The following ADGRG7 variants were observed in gnomAD, a reference collection of about 807,000 sequenced individuals.
The protein encoded by ADGRG7 is adhesion G protein-coupled receptor G7, also known as G-protein coupled receptor 128.
A neutral mutation model predicts 88.6 loss-of-function variants in ADGRG7; 82 were observed. The observed-to-expected ratio is 0.93, with a 90% CI of 0.77 to 1.11. The LOEUF is 1.11. ADGRG7 is among the 50% of genes most tolerant of loss of function. The pLI is 0.00. For synonymous variants in ADGRG7, 381 were observed against 345.2 expected (o/e 1.10, Z -1.15); for missense variants, 945 against 953.4 (o/e 0.99, Z 0.12).
At chr3:100,627,756 T>C (rs1707399570) in intron 1 of ADGRG7, among the ~76,000 whole-genome samples, 1 of 152,164 alleles carries the variant, frequency 6.6e-6, no homozygotes, top group Non-Finnish European at 1.5e-5. Flanking sequence ...TGTCTATGCA[T>C]GGTTTTTCTT....
At chr3:100,629,535 A>C (rs965593335) in intron 1 of ADGRG7, 63 bp from the exon 2 acceptor site, 1 of 1,121,076 alleles carries the variant, frequency 8.9e-7, no homozygotes. Flanking sequence ...AAGTGGCCAC[A>C]GGCATGAAAG....
chr3:100,673,020 TTG>T (rs368312710), intron 15 of ADGRG7, among the ~76,000 whole-genome samples: 1 of 151,876 alleles, frequency 6.6e-6, no homozygotes, highest in Non-Finnish European at 1.5e-5. Flanking sequence ...GAAATTTTTT[TTG>T]TGTGTGTGTG....
chr3:100,649,808 G>T lies in ADGRG7; in HGVS notation c.1379+1G>T. ...CAGTTATATTTCAGATTGTCACCAG[G>T]TAAGAGCAGAAGCAGGCTCTTTTCA... On this transcript the variant is annotated splice_donor_variant, in intron 11 of 15. Transcript: ENST00000273352. LOFTEE classifies it high-confidence loss of function. The T allele has an allele frequency of 6.5e-7, 1 of 1,542,664 alleles. No homozygotes were observed. The highest frequency in any genetic ancestry group is 8.9e-7 in the Non-Finnish European group (1 of 1,117,440).
intron 1 of ADGRG7, among the ~76,000 whole-genome samples, chr3:100,612,603 T>C (rs2149010010): frequency 6.6e-6 from 1 of 152,364 alleles, no homozygotes; most frequent in Admixed American, 6.5e-5. Flanking sequence ...ATCATAATGG[T>C]AGAAAATGTT....
chr3:100,678,687 G>A (rs1333841867), intron 15 of ADGRG7, among the ~76,000 whole-genome samples: 1 of 152,200 alleles, frequency 6.6e-6, no homozygotes, highest in African/African-American at 2.4e-5. Flanking sequence ...TAACCTTGTG[G>A]CTCTTTTAGA....
Position 100,618,171 on chromosome 3 carries a change from G to A in ADGRG7, c.115+8200G>A, listed in dbSNP as rs544488567. Among the ~76,000 whole-genome samples the A allele has an allele frequency of 1.3e-3, 201 of 152,292 alleles. 1 individual carries two copies. Among genetic ancestry groups the A allele is most frequent in the African/African-American group, 4.3e-3 (180 of 41,568 alleles). ...TTTTCTCCCATTCTGTAGGTTGCCT[G>A]TTCACTCTGATGGTAGTTTCTTTTG... On this transcript the variant is annotated intron_variant, in intron 1 of 15. Coordinates refer to ENST00000273352, the MANE Select transcript of ADGRG7 (RefSeq NM_032787.3).
At chr3:100,685,587 A>G (rs1260044768) in intron 15 of ADGRG7, among the ~76,000 whole-genome samples, 2 of 151,912 alleles carry the variant, frequency 1.3e-5, no homozygotes, top group Non-Finnish European at 2.9e-5. Context: ...ATGTGTTCTC[A>G]TTGTTCAATT....
At chr3:100,635,217 T>C (rs1470462101) in intron 4 of ADGRG7, among the ~76,000 whole-genome samples, 1 of 100,456 alleles carries the variant, frequency 1.0e-5, no homozygotes, top group East Asian at 8.6e-4. Flanking sequence ...TGCACACCAA[T>C]ATTTTTGTGA....
Position 100,643,575 on chromosome 3 carries a change from G to A in ADGRG7, c.888G>A (p.Val296=), listed in dbSNP as rs769727441. 8 of 1,613,870 alleles carry A rather than the reference G, an allele frequency of 5.0e-6. No homozygotes were observed. In the Admixed American group the frequency reaches 1.2e-4, roughly 24 times the overall value. Residue 296 remains valine (V), a synonymous_variant, in exon 8 of 16, where the codon GTG becomes GTA. Coordinates refer to ENST00000273352, the MANE Select transcript of ADGRG7 (RefSeq NM_032787.3). ...VSSSTFIHTN[V]DGLNPDAQTE... is the part of the protein sequence containing the mutation. ...GTTCAACATTTATACATACAAATGT[G>A]GATGGCCTTAACCCAGATGCACAGA...
intron 14 of ADGRG7, among the ~76,000 whole-genome samples, chr3:100,661,214 T>C (rs528709364): frequency 6.6e-5 from 10 of 152,322 alleles, no homozygotes; most frequent in African/African-American, 2.2e-4. Flanking sequence ...CCCATCTCCA[T>C]AGCATAAATT....
intron 8 of ADGRG7, among the ~76,000 whole-genome samples, chr3:100,644,691 A>C (rs1487542178): frequency 1.3e-5 from 2 of 151,936 alleles, no homozygotes; most frequent in Non-Finnish European, 2.9e-5. Context: ...AATTAAAAAA[A>C]AAAAAAATTA....
rs80221681 is a variant in ADGRG7, at chr3:100,641,051, G to A, written c.699-2215G>A. ...AACAAATAGAGATTTATCGTAAATA[G>A]GCATATGGGGTCTCATGGAGGCCCA... On this transcript the variant is annotated intron_variant, in intron 6 of 15. Coordinates refer to ENST00000273352, the MANE Select transcript of ADGRG7 (RefSeq NM_032787.3). Among the ~76,000 whole-genome samples the A allele has an allele frequency of 9.5e-3, 1,441 of 152,248 alleles. 46 individuals carry two copies. The highest frequency in any genetic ancestry group is 0.044 in the Admixed American group (671 of 15,294).
At chr3:100,682,181 C>A (rs2094974320) in intron 15 of ADGRG7, among the ~76,000 whole-genome samples, 1 of 152,120 alleles carries the variant, frequency 6.6e-6, no homozygotes, top group African/African-American at 2.4e-5. Context: ...CCTGGGAACC[C>A]ACCCCCGGGA....
chr3:100,628,153 C>G (rs1306028754), intron 1 of ADGRG7, among the ~76,000 whole-genome samples: 1 of 152,112 alleles, frequency 6.6e-6, no homozygotes, highest in Non-Finnish European at 1.5e-5. Flanking sequence ...GTTTCAGCCA[C>G]TTCTGCCATA....
At chr3:100,687,327 G>A (rs962967862) in intron 15 of ADGRG7, among the ~76,000 whole-genome samples, 1 of 152,114 alleles carries the variant, frequency 6.6e-6, no homozygotes, top group Non-Finnish European at 1.5e-5. Context: ...TGCAAACAGG[G>A]ACAATTTGAC....
intron 15 of ADGRG7, among the ~76,000 whole-genome samples, chr3:100,687,385 T>C (rs1204752117): frequency 2.6e-5 from 4 of 152,162 alleles, no homozygotes; most frequent in Non-Finnish European, 5.9e-5. Context: ...TCCTGCCTGA[T>C]TGCCCTGGCC....
rs1228306035 is a variant in ADGRG7, at chr3:100,629,828, G to T, written c.229+117G>T. The stretch of plus-strand genomic sequence containing the variant: ...TGGTTACAGAAACAATGGACATAAT[G>T]ATGATGGCTTTAGGATGTGTTTATC... On this transcript the variant is annotated intron_variant, in intron 2 of 15. Transcript: ENST00000273352. 3.1e-5 allele frequency: 21 copies of T among 671,206 alleles called. No homozygotes were observed. The East Asian group carries it at 5.6e-4, about 18-fold the overall frequency. 41.6% of individuals were successfully genotyped at this position (671,206 alleles called of 1,614,324 possible). A position where few individuals can be genotyped will look rare whatever the true frequency, so the allele number is the denominator to read the frequency against.
chr3:100,644,698 A>AT (rs1457634700), intron 8 of ADGRG7, among the ~76,000 whole-genome samples: 2 of 151,660 alleles, frequency 1.3e-5, no homozygotes, highest in African/African-American at 4.8e-5. Context: ...AAAAAAAAAA[A>AT]TTAAATTTTT....
At chr3:100,657,717 A>G (rs2094939583) in intron 13 of ADGRG7, among the ~76,000 whole-genome samples, 1 of 152,098 alleles carries the variant, frequency 6.6e-6, no homozygotes. Flanking sequence ...TGTCAGATCA[A>G]CCTCCACCAT....
Sources: allele counts gnomAD v4.1 joint callset (sites outside exome capture counted in the v4.1 genomes callset), GRCh38; gene constraint gnomAD v4.1.1; transcripts MANE v1.5; gene names NCBI Gene and HGNC (gene_info 2026-07-23, HGNC 2026-07-21).